The following MIER1 variants were observed in gnomAD, a reference collection of about 807,000 sequenced individuals.
MIER1 encodes the protein MIER1 transcriptional regulator.
In MIER1, 40 loss-of-function variants were observed where a neutral mutation model predicts 75.7. The ratio of observed to expected loss-of-function variants is 0.53; its 90% CI spans 0.41 to 0.69. The LOEUF (loss-of-function observed/expected upper bound fraction) is 0.69. MIER1 is among the 30% of genes least tolerant of loss of function. The probability of loss-of-function intolerance (pLI) is 0.00; values close to 1 mark genes in which losing one functional copy is unlikely to be tolerated. For synonymous variants in MIER1, 213 were observed against 223.4 expected, an observed-to-expected ratio of 0.95 and a Z score of 0.42; for missense variants, 574 against 680.2, an observed-to-expected ratio of 0.84 and a Z score of 1.74.
rs574160482 is a variant in MIER1, at chr1:66,988,305, C to A, written c.*3405C>A. 1.1e-4 allele frequency: 17 copies of A among 152,392 alleles called. No homozygotes were observed. Among genetic ancestry groups the A allele is most frequent in the African/African-American group, 4.1e-4 (17 of 41,554 alleles). The allele number at this position is 152,392 out of a possible 1,614,324, so 9.4% of individuals were successfully genotyped here. On this transcript the variant is annotated 3_prime_UTR_variant, in exon 14 of 14. Coordinates refer to ENST00000401041, the MANE Select transcript of MIER1 (RefSeq NM_001077700.3). ...TCTGTATCACATAATTCTACTGATA[C>A]AACTTTTTACCGTAAAAATTAACTC...
chr1:66,930,292 A>G (rs1652819311), intron 2 of MIER1: 1 of 1,554,674 alleles, frequency 6.4e-7, no homozygotes, highest in Non-Finnish European at 8.7e-7. Flanking sequence ...AGCGGCAGAG[A>G]CGGCAGCGGC....
intron 4 of MIER1, 71 bp downstream of exon 4, chr1:66,946,366 T>G: frequency 6.8e-7 from 1 of 1,477,832 alleles, no homozygotes; most frequent in Non-Finnish European, 9.0e-7. Context: ...TCTGAAATTT[T>G]GATTCTCTGA....
chr1:66,944,460 A>G (rs796134170), intron 3 of MIER1, among the ~76,000 whole-genome samples: 16 of 151,270 alleles, frequency 1.1e-4, no homozygotes, highest in African/African-American at 3.6e-4. Context: ...ATGTAGTACA[A>G]TATTTTACAG....
chr1:66,973,831 G>C (rs1367162439), intron 11 of MIER1, among the ~76,000 whole-genome samples: 2 of 151,974 alleles, frequency 1.3e-5, no homozygotes, highest in Admixed American at 1.3e-4. Context: ...AAGGGTATTG[G>C]TTTATGTAAT....
At position 66,985,831 on chromosome 1, in the gene MIER1, T is replaced by G. The variant is rs957301341; in HGVS notation, c.*931T>G. The G allele has an allele frequency of 3.5e-6, 3 of 848,010 alleles. No homozygotes were observed. The highest frequency in any genetic ancestry group is 4.2e-6 in the Non-Finnish European group (3 of 706,220). 52.5% of individuals were successfully genotyped at this position (848,010 alleles called of 1,614,324 possible). A position where few individuals can be genotyped will look rare whatever the true frequency, so the allele number is the denominator to read the frequency against. ...ATTATAAAATTTTTTTTTTTTTTTT[T>G]TTTTTTAAATTTCTACTTAAGGGCA... On this transcript the variant is annotated 3_prime_UTR_variant, in exon 14 of 14. Coordinates refer to ENST00000401041, the MANE Select transcript of MIER1 (RefSeq NM_001077700.3).
At chr1:66,966,704 C>G (rs1196229664) in intron 8 of MIER1, among the ~76,000 whole-genome samples, 2 of 152,150 alleles carry the variant, frequency 1.3e-5, no homozygotes, top group African/African-American at 4.8e-5. Context: ...CCTGTTGTTT[C>G]CTGACTTTTT....
At position 66,963,153 on chromosome 1, in the gene MIER1, T is replaced by A. The variant is rs1170353309; in HGVS notation, c.765T>A (p.Asn255Lys). 1 of 1,605,652 alleles carries A rather than the reference T, an allele frequency of 6.2e-7. No homozygotes were observed. The highest frequency in any genetic ancestry group is 8.5e-7 in the Non-Finnish European group (1 of 1,172,954). Residue 255 changes from asparagine (N) to lysine (K), a missense_variant, in exon 8 of 14, where the codon AAT (asparagine) becomes AAA (lysine). Physicochemically the swap from Asn to Lys is moderately conservative, Grantham distance 94. Coordinates refer to ENST00000401041, the MANE Select transcript of MIER1 (RefSeq NM_001077700.3). Reference protein sequence around the residue: ...IPVGICRYKENEKVYENDDQL... With the variant: ...IPVGICRYKEKEKVYENDDQL... The stretch of plus-strand genomic sequence containing the variant: ...TTGGCATTTGTAGATACAAAGAAAA[T>A]GAAAAAGGTGGGTTATTAGTAAAGT...
intron 12 of MIER1, among the ~76,000 whole-genome samples, chr1:66,978,156 A>G (rs1665116659): frequency 6.7e-6 from 1 of 149,960 alleles, no homozygotes; most frequent in Non-Finnish European, 1.5e-5. Context: ...AGATCAAACC[A>G]CTGCACTCCA....
intron 11 of MIER1, among the ~76,000 whole-genome samples, chr1:66,975,555 T>C (rs1227104297): frequency 1.3e-5 from 2 of 151,264 alleles, no homozygotes; most frequent in African/African-American, 4.9e-5. Context: ...AGGAAAAAAG[T>C]TATCAGTATT....
chr1:66,967,041 G>T (rs997927383), intron 8 of MIER1, among the ~76,000 whole-genome samples: 2 of 151,998 alleles, frequency 1.3e-5, no homozygotes, highest in Non-Finnish European at 2.9e-5. Context: ...TTTTTGCTTT[G>T]GTTGCCTGTG....
At chr1:66,979,620 AT>A (rs1665491046) in intron 12 of MIER1, among the ~76,000 whole-genome samples, 1 of 152,186 alleles carries the variant, frequency 6.6e-6, no homozygotes, top group South Asian at 2.1e-4. Flanking sequence ...GGTTTGTCTG[AT>A]TCTGCCCTTT....
At chr1:66,976,849 G>A (rs1485643302) in intron 12 of MIER1, 127 bp downstream of exon 12, 2 of 753,930 alleles carry the variant, frequency 2.7e-6, no homozygotes, top group Non-Finnish European at 3.9e-6. Flanking sequence ...AAGGCCGAGA[G>A]TGATAAAATC....
chr1:66,977,982 A>G (rs548168337), intron 12 of MIER1, among the ~76,000 whole-genome samples: 65 of 152,192 alleles, frequency 4.3e-4, no homozygotes, highest in African/African-American at 1.5e-3. Flanking sequence ...GTGGATCACA[A>G]GGTCAGGAGT....
intron 2 of MIER1, among the ~76,000 whole-genome samples, chr1:66,928,195 T>C (rs1442120817): frequency 6.6e-6 from 1 of 152,080 alleles, no homozygotes; most frequent in African/African-American, 2.4e-5. Flanking sequence ...AAACTAGTAA[T>C]ATTGATACAC....
In MIER1 at chr1:66,985,015, G is replaced by C. The variant is rs575578028; in HGVS notation, c.*115G>C. 2,235 of 1,415,686 alleles carry C rather than the reference G, an allele frequency of 1.6e-3. 4 individuals carry two copies. The highest frequency in any genetic ancestry group is 1.9e-3 in the Non-Finnish European group (2,110 of 1,085,056). The allele number at this position is 1,415,686 out of a possible 1,614,324, so 87.7% of individuals were successfully genotyped here. On this transcript the variant is annotated 3_prime_UTR_variant, in exon 14 of 14. Transcript: ENST00000401041. ...TTGAAGCAGTTTGAAAATTTGAATT[G>C]AGTCTTAACTTTAGGAAATGAGGTT...
At chr1:66,947,620 C>T (rs1471645467) in intron 4 of MIER1, 2 of 152,176 alleles carry the variant, frequency 1.3e-5, no homozygotes, top group Admixed American at 1.3e-4. Context: ...ACTGGTTTCC[C>T]CATTTCCTCT....
chr1:66,978,669 A>G (rs962912797), intron 12 of MIER1, among the ~76,000 whole-genome samples: 3 of 152,238 alleles, frequency 2.0e-5, no homozygotes, highest in Non-Finnish European at 4.4e-5. Flanking sequence ...CATTTCAGAA[A>G]TAATGTTCAC....
At position 66,984,959 on chromosome 1, in the gene MIER1, G is replaced by A. The variant is rs1321843302; in HGVS notation, c.*59G>A. The A allele has an allele frequency of 1.3e-6, 2 of 1,499,140 alleles. No homozygotes were observed. Among genetic ancestry groups the A allele is most frequent in the South Asian group, 1.4e-5 (1 of 70,108 alleles). 92.9% of individuals were successfully genotyped at this position (1,499,140 alleles called of 1,614,324 possible). A position where few individuals can be genotyped will look rare whatever the true frequency, so the allele number is the denominator to read the frequency against. On this transcript the variant is annotated 3_prime_UTR_variant, in exon 14 of 14. Transcript: ENST00000401041. Reference sequence around the variant, plus strand: ...TTCTGGTGTGACTAAAATTTTCAGGGTTGATGGGTTACCTTAAAAAGTTGA... The same window carrying A: ...TTCTGGTGTGACTAAAATTTTCAGGATTGATGGGTTACCTTAAAAAGTTGA...
chr1:66,925,430 TG>T, intron 1 of MIER1: 1 of 985,286 alleles, frequency 1.0e-6, no homozygotes, highest in Non-Finnish European at 1.2e-6. Flanking sequence ...CCAGTCGGGG[TG>T]GGGCTAAGCT....
Sources: gnomAD v4.1 joint callset for allele counts (sites outside exome capture counted in the v4.1 genomes callset) on GRCh38, gnomAD v4.1.1 for gene constraint, MANE v1.5 for transcripts, NCBI Gene and HGNC (gene_info 2026-07-23, HGNC 2026-07-21) for gene names.